The following SLCO3A1 variants were observed in gnomAD, a reference collection of about 807,000 sequenced individuals.
SLCO3A1 encodes solute carrier organic anion transporter family member 3A1.
Under a neutral mutation model 63.1 loss-of-function variants are expected in SLCO3A1, and 27 were observed. The observed-to-expected ratio is 0.43, with a 90% confidence interval of 0.32 to 0.59. The LOEUF (loss-of-function observed/expected upper bound fraction) is 0.59, where lower values mean the gene tolerates loss of function less well. Ranked by LOEUF, SLCO3A1 falls within the 20% of genes least tolerant of loss-of-function variation. The pLI is 0.09. For missense variants in SLCO3A1, 773 were observed against 945.8 expected, an observed-to-expected ratio of 0.82 and a Z score of 2.40; for synonymous variants, 473 against 409.9, an observed-to-expected ratio of 1.15 and a Z score of -1.86.
chr15:91,974,537 A>G (rs1228725676), intron 2 of SLCO3A1, among the ~76,000 whole-genome samples: 1 of 152,014 alleles, frequency 6.6e-6, no homozygotes. Flanking sequence ...GGCAGAGGGA[A>G]GAGCGTGGTG....
At chr15:91,980,101 G>T (rs887832889) in intron 2 of SLCO3A1, among the ~76,000 whole-genome samples, 4 of 152,174 alleles carry the variant, frequency 2.6e-5, no homozygotes, top group African/African-American at 9.7e-5. Flanking sequence ...ACTGCTGCCT[G>T]ATTCCCTTCA....
At chr15:91,986,369 CA>C (rs1238411788) in intron 2 of SLCO3A1, among the ~76,000 whole-genome samples, 1 of 152,156 alleles carries the variant, frequency 6.6e-6, no homozygotes, top group Non-Finnish European at 1.5e-5. Flanking sequence ...TGCCTATTGG[CA>C]GCAGGATCCT....
At chr15:92,078,462 C>T (rs902266934) in intron 2 of SLCO3A1, among the ~76,000 whole-genome samples, 3 of 152,310 alleles carry the variant, frequency 2.0e-5, no homozygotes, top group Admixed American at 1.3e-4. Flanking sequence ...CTGACCTCGG[C>T]GCACCTCCGC....
At chr15:92,143,739 A>G (rs1322773002) in intron 7 of SLCO3A1, among the ~76,000 whole-genome samples, 1 of 151,358 alleles carries the variant, frequency 6.6e-6, no homozygotes, top group Non-Finnish European at 1.5e-5. Flanking sequence ...GTGGAGGGAA[A>G]GGAGTTTGGA....
chr15:91,960,457 A>G (rs906623849), intron 2 of SLCO3A1, among the ~76,000 whole-genome samples: 32 of 152,218 alleles, frequency 2.1e-4, no homozygotes, highest in African/African-American at 6.7e-4. Flanking sequence ...TTGTATACAC[A>G]TTTGGTGTGG....
intron 2 of SLCO3A1, among the ~76,000 whole-genome samples, chr15:91,977,512 G>GA (rs1362901522): frequency 6.6e-6 from 1 of 152,188 alleles, no homozygotes. Flanking sequence ...CTCAGACATG[G>GA]AAAACCAAAT....
chr15:91,914,472 T>C, intron 1 of SLCO3A1, among the ~76,000 whole-genome samples: 1 of 152,130 alleles, frequency 6.6e-6, no homozygotes, highest in Non-Finnish European at 1.5e-5. Context: ...CTGTATTGTG[T>C]CTACCTAATT....
intron 2 of SLCO3A1, among the ~76,000 whole-genome samples, chr15:92,028,904 C>T (rs2046609521): frequency 4.0e-5 from 1 of 25,298 alleles, no homozygotes; most frequent in Admixed American, 5.0e-4. Flanking sequence ...CAGCTGCAGG[C>T]ACAAGTGTGT....
At chr15:92,162,241 A>G (rs1483626476) in intron 9 of SLCO3A1, 1 of 148,372 alleles carries the variant, frequency 6.7e-6, no homozygotes, top group Non-Finnish European at 1.5e-5. Flanking sequence ...CCTGGGTTCA[A>G]GCAATTCTTC....
At chr15:92,145,227 G>A (rs780430268) in intron 7 of SLCO3A1, among the ~76,000 whole-genome samples, 2 of 152,150 alleles carry the variant, frequency 1.3e-5, no homozygotes, top group South Asian at 2.1e-4. Context: ...AGCTGAGAGC[G>A]TGGGAGAAAA....
At chr15:92,128,073 G>T (rs1196185323) in intron 6 of SLCO3A1, among the ~76,000 whole-genome samples, 1 of 152,136 alleles carries the variant, frequency 6.6e-6, no homozygotes, top group Non-Finnish European at 1.5e-5. Flanking sequence ...TCATGAGAGG[G>T]GCTGGAGTGG....
chr15:91,941,101 C>A lies in SLCO3A1; in HGVS notation c.646+24643C>A, dbSNP rs1014860288. 1.2e-4 allele frequency among the ~76,000 whole-genome samples: 19 copies of A among 152,254 alleles called. No individual in the cohort carries two copies. Among genetic ancestry groups the A allele is most frequent in the Admixed American group, 1.1e-3 (17 of 15,294 alleles). ...TGACATTAACGTGCAAGCCTCTGGC[C>A]GTGCAATTAGAGGTTGTTAGGCAGC... On this transcript the variant is annotated intron_variant, in intron 2 of 9. Coordinates refer to ENST00000318445, the MANE Select transcript of SLCO3A1 (RefSeq NM_013272.4). The surrounding 1 kb of genome is among the most constrained non-coding windows in gnomAD (Gnocchi z 4.4).
intron 9 of SLCO3A1, among the ~76,000 whole-genome samples, chr15:92,161,370 G>A (rs2048434551): frequency 6.6e-6 from 1 of 152,198 alleles, no homozygotes; most frequent in Non-Finnish European, 1.5e-5. Flanking sequence ...CACCCTGGAT[G>A]ATGATTGTCA....
At chr15:91,971,394 C>CAAAAAAAAACAAAAAAAAAAAAAA (rs1900859680) in intron 2 of SLCO3A1, among the ~76,000 whole-genome samples, 1 of 39,388 alleles carries the variant, frequency 2.5e-5, no homozygotes, top group African/African-American at 8.5e-5. Flanking sequence ...GACTCCATCT[C>CAAAAAAAAACAAAAAAAAAAAAAA]AAAAAAAAAA....
At chr15:91,890,164 T>C (rs538954008) in intron 1 of SLCO3A1, among the ~76,000 whole-genome samples, 25 of 152,366 alleles carry the variant, frequency 1.6e-4, no homozygotes, top group Admixed American at 1.2e-3. Flanking sequence ...CTCAATATTT[T>C]ATTATTGAAA....
intron 2 of SLCO3A1, among the ~76,000 whole-genome samples, chr15:92,012,539 G>T (rs1473644847): frequency 6.6e-6 from 1 of 152,088 alleles, no homozygotes; most frequent in Non-Finnish European, 1.5e-5. Flanking sequence ...TCCCATCGCT[G>T]ACCACATTGC....
chr15:92,115,827 A>AAAAAC, intron 4 of SLCO3A1, among the ~76,000 whole-genome samples: 1 of 151,112 alleles, frequency 6.6e-6, no homozygotes. Flanking sequence ...AAAAAAAAAA[A>AAAAAC]AAAAAAAAAA....
intron 2 of SLCO3A1, among the ~76,000 whole-genome samples, chr15:91,947,670 C>G (rs954923606): frequency 2.0e-5 from 3 of 152,166 alleles, no homozygotes; most frequent in Non-Finnish European, 4.4e-5. Context: ...AGTTAGTTCC[C>G]GACATTCACT....
intron 1 of SLCO3A1, among the ~76,000 whole-genome samples, chr15:91,904,269 A>G (rs1378692378): frequency 6.6e-6 from 1 of 152,220 alleles, no homozygotes; most frequent in Non-Finnish European, 1.5e-5. Context: ...TAGCATTTTT[A>G]GCACCTTGAC....
Sources: allele counts gnomAD v4.1 joint callset (sites outside exome capture counted in the v4.1 genomes callset), GRCh38; gene constraint gnomAD v4.1.1; non-coding constraint Gnocchi (gnomAD v3.1); transcripts MANE v1.5; gene names NCBI Gene and HGNC (gene_info 2026-07-23, HGNC 2026-07-21).